ANK2: variants seen among roughly 807,000 people sequenced by gnomAD.
ANK2 encodes the protein ankyrin-2.
In ANK2, 83 loss-of-function variants were observed where a neutral mutation model predicts 360.5. The observed-to-expected ratio is 0.23, with a 90% CI of 0.19 to 0.28. ANK2 has a LOEUF of 0.28. Ranked by LOEUF, ANK2 falls within the 10% of genes least tolerant of loss-of-function variation. The probability of loss-of-function intolerance (pLI) is 1.00; values close to 1 mark genes in which losing one functional copy is unlikely to be tolerated. For missense variants in ANK2, 4,201 were observed against 4,795.7 expected, an observed-to-expected ratio of 0.88 and a Z score of 3.66; for synonymous variants, 1,740 against 1,759.5, an observed-to-expected ratio of 0.99 and a Z score of 0.28.
intron 2 of ANK2, among the ~76,000 whole-genome samples, chr4:113,024,300 A>ACACT: frequency 6.6e-6 from 1 of 152,294 alleles, no homozygotes; most frequent in East Asian, 1.9e-4. Flanking sequence ...AGTATACTAG[A>ACACT]CACTCTCTCA....
At chr4:113,035,538 T>C (rs2061410313) in intron 2 of ANK2, among the ~76,000 whole-genome samples, 1 of 151,988 alleles carries the variant, frequency 6.6e-6, no homozygotes, top group Admixed American at 6.6e-5. Flanking sequence ...TTTTGATTTA[T>C]CTATCTCCTT....
chr4:113,018,395 C>T (rs1194141997), intron 2 of ANK2, among the ~76,000 whole-genome samples: 1 of 152,148 alleles, frequency 6.6e-6, no homozygotes, highest in Admixed American at 6.5e-5. Flanking sequence ...AAGGAACCAT[C>T]GCGTAAAGAA....
chr4:113,247,864 C>T (rs981264692), intron 9 of ANK2, among the ~76,000 whole-genome samples: 3 of 152,146 alleles, frequency 2.0e-5, no homozygotes, highest in African/African-American at 7.2e-5. Context: ...GTTTGAGAAA[C>T]CATGCTATAT....
At chr4:112,908,644 T>C (rs142759502) in intron 2 of ANK2, among the ~76,000 whole-genome samples, 3 of 152,286 alleles carry the variant, frequency 2.0e-5, no homozygotes, top group African/African-American at 7.2e-5. Flanking sequence ...ACTATAATGA[T>C]TAGAGGACTG....
At chr4:113,127,146 A>G (rs2095709776) in intron 1 of ANK2, among the ~76,000 whole-genome samples, 1 of 152,164 alleles carries the variant, frequency 6.6e-6, no homozygotes, top group Non-Finnish European at 1.5e-5. Context: ...TGTTTTATTT[A>G]TCTTCTTTCA....
chr4:113,184,073 T>C (rs934836462), intron 2 of ANK2, among the ~76,000 whole-genome samples: 1 of 149,208 alleles, frequency 6.7e-6, no homozygotes, highest in Non-Finnish European at 1.5e-5. Flanking sequence ...AAGTGAAGTA[T>C]GCATCACTTG....
At chr4:113,096,419 T>TCC (rs1403383140) in intron 1 of ANK2, among the ~76,000 whole-genome samples, 16 of 152,112 alleles carry the variant, frequency 1.1e-4, no homozygotes, top group Admixed American at 7.2e-4. Flanking sequence ...GGCTCAGGAA[T>TCC]CCAGGGTCCT....
In ANK2 at chr4:113,381,861, A is replaced by G. The variant is rs899246952; in HGVS notation, c.*390A>G. The G allele has an allele frequency of 5.0e-6, 2 of 402,446 alleles. No individual in the cohort carries two copies. Among genetic ancestry groups the G allele is most frequent in the African/African-American group, 2.1e-5 (1 of 48,484 alleles). The allele number at this position is 402,446 out of a possible 1,614,324, so 24.9% of individuals were successfully genotyped here. A position where few individuals can be genotyped will look rare whatever the true frequency, so the allele number is the denominator to read the frequency against. ...TCCTTCATACTGGATGCTGTATCCA[A>G]TACTTTGTTGTGTCTGTGCTAACCT... On this transcript the variant is annotated 3_prime_UTR_variant, in exon 46 of 46. Transcript: ENST00000357077.
chr4:113,277,259 G>C (rs1274403315), intron 15 of ANK2, among the ~76,000 whole-genome samples: 1 of 152,152 alleles, frequency 6.6e-6, no homozygotes, highest in African/African-American at 2.4e-5. Context: ...GAGTCTTTTG[G>C]GAAAGGGGAC....
At chr4:112,959,560 T>G (rs2033576388) in intron 2 of ANK2, among the ~76,000 whole-genome samples, 1 of 152,204 alleles carries the variant, frequency 6.6e-6, no homozygotes, top group Non-Finnish European at 1.5e-5. Context: ...AACACTCACA[T>G]GTGATAGGTA....
intron 45 of ANK2, chr4:113,374,838 C>T (rs562205045): frequency 1.6e-6 from 2 of 1,271,614 alleles, no homozygotes; most frequent in South Asian, 2.6e-5. Flanking sequence ...GCCGTAGAGT[C>T]AGCAAAGTTG....
At chr4:113,099,677 C>A (rs547930821) in intron 1 of ANK2, among the ~76,000 whole-genome samples, 1 of 151,778 alleles carries the variant, frequency 6.6e-6, no homozygotes, top group African/African-American at 2.4e-5. Flanking sequence ...ATAATAAACA[C>A]AATATGGAAG....
chr4:113,375,039 C>T (rs1347298975), intron 45 of ANK2: 5 of 567,886 alleles, frequency 8.8e-6, no homozygotes, highest in Non-Finnish European at 1.1e-5. Flanking sequence ...TCATTCTATA[C>T]ATGAATTCAT....
Position 113,282,917 on chromosome 4 carries a change from TG to T in ANK2, c.2079+46del, listed in dbSNP as rs1430923338. Reference sequence around the variant, plus strand: ...ATCAATCAAGAGTGTTTTGGATGCATGTAAACAGGAACCAATCGCAGACAGT... The same window carrying T: ...ATCAATCAAGAGTGTTTTGGATGCATTAAACAGGAACCAATCGCAGACAGT... On this transcript the variant is annotated intron_variant, in intron 18 of 45. Transcript: ENST00000357077. 1.9e-6 allele frequency: 3 copies of T among 1,595,664 alleles called. No individual in the cohort carries two copies. In the African/African-American group the frequency reaches 4.0e-5, roughly 21 times the overall value.
At chr4:113,327,872 C>A (rs150561340) in intron 26 of ANK2, among the ~76,000 whole-genome samples, 2 of 152,056 alleles carry the variant, frequency 1.3e-5, no homozygotes, top group Admixed American at 1.3e-4. Flanking sequence ...AGCATAGAAA[C>A]GGAACTATAG....
rs2060999929 is a variant in ANK2, at chr4:113,278,313, G to GGATTTGTTT, written c.1783-146_1783-138dup. On this transcript the variant is annotated intron_variant, in intron 16 of 45. Coordinates refer to ENST00000357077, the MANE Select transcript of ANK2 (RefSeq NM_001148.6). Reference sequence around the variant, plus strand: ...ATGTTTTTAATATGAAAATTATTAGGGATTTGTTTATTTTCGTTCTTTTTT... The same window carrying GGATTTGTTT: ...ATGTTTTTAATATGAAAATTATTAGGGATTTGTTTGATTTGTTTATTTTCGTTCTTTTTT... The GGATTTGTTT allele has an allele frequency of 6.9e-6, 5 of 723,194 alleles. No homozygotes were observed. In the South Asian group the frequency reaches 7.9e-5, roughly 11 times the overall value. 44.8% of individuals were successfully genotyped at this position (723,194 alleles called of 1,614,324 possible). A position where few individuals can be genotyped will look rare whatever the true frequency, so the allele number is the denominator to read the frequency against.
the ANK2 span, among the ~76,000 whole-genome samples, chr4:112,786,207 C>G: frequency 2.0e-5 from 3 of 151,016 alleles, no homozygotes; most frequent in South Asian, 4.2e-4. Flanking sequence ...CAAAATCCAT[C>G]CTTCTACTTC....
intron 2 of ANK2, among the ~76,000 whole-genome samples, chr4:113,011,514 T>C (rs1025690665): frequency 3.9e-5 from 6 of 152,026 alleles, no homozygotes; most frequent in African/African-American, 1.4e-4. Context: ...CAGAGAGTAG[T>C]GGATTGTGAA....
intron 26 of ANK2, among the ~76,000 whole-genome samples, chr4:113,327,752 A>T (rs2090745585): frequency 6.6e-6 from 1 of 152,226 alleles, no homozygotes; most frequent in African/African-American, 2.4e-5. Flanking sequence ...TCTGGGGCTT[A>T]CACCATGTAC....
Sources: allele counts gnomAD v4.1 joint callset (sites outside exome capture counted in the v4.1 genomes callset), GRCh38; gene constraint gnomAD v4.1.1; transcripts MANE v1.5; gene names NCBI Gene and HGNC (gene_info 2026-07-23, HGNC 2026-07-21).